DAGLB: variants seen among roughly 807,000 people sequenced by gnomAD.
DAGLB encodes the protein diacylglycerol lipase-beta.
In DAGLB, 66 loss-of-function variants were observed where a neutral mutation model predicts 72.1. That is an observed-to-expected ratio of 0.92 (90% CI 0.75 to 1.12). DAGLB has a LOEUF of 1.12. DAGLB is among the 50% of genes most tolerant of loss of function. DAGLB has a pLI of 0.00. For synonymous variants in DAGLB, 414 were observed against 359.5 expected, an observed-to-expected ratio of 1.15 and a Z score of -1.71; for missense variants, 1,065 against 884.9, an observed-to-expected ratio of 1.20 and a Z score of -2.58.
chr7:6,439,454 AG>A (rs1370387322), intron 2 of DAGLB, among the ~76,000 whole-genome samples: 6 of 152,096 alleles, frequency 3.9e-5, no homozygotes, highest in Non-Finnish European at 5.9e-5. Context: ...ATCCATCATC[AG>A]ACACAGCCAC....
At position 6,409,960 on chromosome 7, in the gene DAGLB, A is replaced by G. The variant is rs141846216; in HGVS notation, c.1896T>C (p.Gly632=). 2.8e-3 allele frequency: 4,582 copies of G among 1,614,066 alleles called. 15 individuals are homozygous for G. Among genetic ancestry groups the G allele is most frequent in the Non-Finnish European group, 3.5e-3 (4,098 of 1,180,016 alleles). Residue 632 remains glycine, a synonymous_variant, in exon 15 of 15, where the codon GGT becomes GGC. Transcript: ENST00000297056. The stretch of plus-strand genomic sequence containing the variant: ...GCATGTGGTCGGTGAGCATCTTCGG[A>G]CCTATGAGTATTTTGCTGAATTCCG... ...HEAEFSKILI[G]PKMLTDHMPD...
At chr7:6,420,704 A>T (rs541918315) in intron 9 of DAGLB, among the ~76,000 whole-genome samples, 1 of 144,570 alleles carries the variant, frequency 6.9e-6, no homozygotes, top group South Asian at 2.2e-4. Context: ...AGTGAAACTG[A>T]CCAATGTGTG....
intron 1 of DAGLB, among the ~76,000 whole-genome samples, chr7:6,447,126 A>C (rs1170771656): frequency 1.3e-5 from 2 of 152,216 alleles, no homozygotes; most frequent in Non-Finnish European, 2.9e-5. Flanking sequence ...GGCGTGAGCC[A>C]TGGCGCCCAG....
intron 6 of DAGLB, among the ~76,000 whole-genome samples, chr7:6,428,418 T>C (rs1380979503): frequency 6.6e-6 from 1 of 151,654 alleles, no homozygotes; most frequent in African/African-American, 2.4e-5. Flanking sequence ...ATGGATGCTG[T>C]ACTGCCAGAT....
At chr7:6,425,939 G>T (rs1365539654) in intron 7 of DAGLB, 49 bp downstream of exon 7, 1 of 1,604,824 alleles carries the variant, frequency 6.2e-7, no homozygotes, top group Non-Finnish European at 8.5e-7. Context: ...ATCTCTAACA[G>T]CTCCAGGACC....
At chr7:6,429,770 C>T (rs899266829) in intron 6 of DAGLB, among the ~76,000 whole-genome samples, 3 of 151,772 alleles carry the variant, frequency 2.0e-5, no homozygotes, top group Admixed American at 2.0e-4. Context: ...TGTGGCCGGG[C>T]GTGGTGGCTC....
At chr7:6,415,545 T>C (rs1054216522) in intron 11 of DAGLB, among the ~76,000 whole-genome samples, 10 of 149,832 alleles carry the variant, frequency 6.7e-5, no homozygotes, top group Admixed American at 4.0e-4. Flanking sequence ...CAAAAAAAAA[T>C]ATAAACTTTT....
chr7:6,424,656 C>T, intron 8 of DAGLB, 96 bp downstream of exon 8: 1 of 1,171,080 alleles, frequency 8.5e-7, no homozygotes, highest in African/African-American at 1.5e-5. Flanking sequence ...TCCCCTGTGT[C>T]TCATGCGGTT....
rs754652487 is a variant in DAGLB at position 6,424,738 on chromosome 7, G to C, written c.1140+14C>G. ...ACCCACTCCCAGGGCTGGAAAGTCAGGTTCCAACGTTACCTGCAGAGACAT... is the reference window on the plus strand; with the variant it reads ...ACCCACTCCCAGGGCTGGAAAGTCACGTTCCAACGTTACCTGCAGAGACAT... On this transcript the variant is annotated intron_variant, in intron 8 of 14. Coordinates refer to ENST00000297056, the MANE Select transcript of DAGLB (RefSeq NM_139179.4). 1 of 1,613,144 alleles carries C rather than the reference G, an allele frequency of 6.2e-7. No individual in the cohort carries two copies.
chr7:6,414,306 G>A (rs551685723), intron 11 of DAGLB, among the ~76,000 whole-genome samples: 3 of 147,328 alleles, frequency 2.0e-5, no homozygotes, highest in Admixed American at 6.7e-5. Flanking sequence ...CACCACACCC[G>A]GCCAATTTTT....
At chr7:6,436,311 C>T in intron 3 of DAGLB, 51 bp downstream of exon 3, 1 of 1,562,542 alleles carries the variant, frequency 6.4e-7, no homozygotes, top group Non-Finnish European at 8.6e-7. Context: ...AGGGTTTGTT[C>T]ACCTATGCCT....
intron 1 of DAGLB, among the ~76,000 whole-genome samples, chr7:6,446,566 A>C (rs1175144295): frequency 2.0e-5 from 3 of 148,122 alleles, no homozygotes; most frequent in Non-Finnish European, 4.5e-5. Flanking sequence ...TTGGAATATA[A>C]TTTTCTTTTT....
chr7:6,427,041 G>A (rs1363793659), intron 6 of DAGLB, among the ~76,000 whole-genome samples: 1 of 152,200 alleles, frequency 6.6e-6, no homozygotes, highest in African/African-American at 2.4e-5. Flanking sequence ...CTGGGAGGCA[G>A]AGGTTGCAGT....
chr7:6,447,777 C>T lies in DAGLB; in HGVS notation c.66G>A (p.Gly22=). The T allele has an allele frequency of 3.7e-6, 6 of 1,613,794 alleles. No homozygotes were observed. Among genetic ancestry groups the T allele is most frequent in the Middle Eastern group, 1.6e-4 (1 of 6,062 alleles). The change falls in exon 1 of 15, where the codon GGG becomes GGA. Residue 22 remains glycine, a synonymous_variant. Transcript: ENST00000297056. The stretch of plus-strand genomic sequence containing the variant: ...GCACTCGCACGACCAGCTCGAAGAA[C>T]CCTGGGAAGACCAAGTCGTCGCTGG... ...AIASDDLVFP[G]FFELVVRVLW...
intron 8 of DAGLB, 52 bp downstream of exon 8, chr7:6,424,700 C>T: frequency 6.3e-7 from 1 of 1,575,460 alleles, no homozygotes; most frequent in Non-Finnish European, 8.7e-7. Context: ...CAGCTGTGGG[C>T]TCCCGCTCCC....
rs188588826 is a variant in DAGLB at position 6,429,116 on chromosome 7, T to C, written c.929+1364A>G. Among the ~76,000 whole-genome samples, 50 of 152,182 alleles carry C rather than the reference T, an allele frequency of 3.3e-4. 1 individual carries two copies. The highest frequency in any genetic ancestry group is 2.6e-3 in the Admixed American group (40 of 15,258). ...ACCACGCCCGGCCTGGGACAAGATA[T>C]TTAAATGGTCTCAAGGCTGGCAGTC... On this transcript the variant is annotated intron_variant, in intron 6 of 14. Transcript: ENST00000297056.
At chr7:6,424,605 C>G (rs1784242988) in intron 8 of DAGLB, 147 bp downstream of exon 8, 4 of 720,644 alleles carry the variant, frequency 5.6e-6, no homozygotes, top group South Asian at 4.8e-5. Flanking sequence ...GAGTATTTCC[C>G]AACCCCAGGC....
intron 6 of DAGLB, among the ~76,000 whole-genome samples, chr7:6,428,642 A>G (rs548608975): frequency 1.3e-5 from 2 of 152,018 alleles, no homozygotes; most frequent in Admixed American, 6.6e-5. Context: ...GTGTGCAACC[A>G]TGTCCAGCTA....
In DAGLB at chr7:6,430,614, G is replaced by T; in HGVS notation, c.802-7C>A. The T allele has an allele frequency of 6.3e-7, 1 of 1,581,234 alleles. No individual in the cohort carries two copies. On this transcript the variant is annotated splice_polypyrimidine_tract_variant and splice_region_variant and intron_variant, in intron 5 of 14. Transcript: ENST00000297056. ...CTGCATCCAGATCAGCTTCCTACAA[G>T]AGAAGGACAAAAACTACTGTTTATT... is the stretch of plus-strand genomic sequence containing the variant.
Sources: allele counts gnomAD v4.1 joint callset (sites outside exome capture counted in the v4.1 genomes callset), GRCh38; gene constraint gnomAD v4.1.1; transcripts MANE v1.5; gene names NCBI Gene and HGNC (gene_info 2026-07-23, HGNC 2026-07-21).